WNK2: variants seen among roughly 807,000 people sequenced by gnomAD.
WNK2 encodes the protein WNK lysine deficient protein kinase 2.
In WNK2, 67 loss-of-function variants were observed where a neutral mutation model predicts 192.1. The observed-to-expected ratio is 0.35, with a 90% confidence interval of 0.29 to 0.43. The LOEUF is 0.43. WNK2 is among the 20% of genes least tolerant of loss of function. The pLI is 1.00. For missense variants in WNK2, 2,698 were observed against 3,089.7 expected (o/e 0.87, Z 3.01); for synonymous variants, 1,439 against 1,393.9 (o/e 1.03, Z -0.72).
chr9:93,246,897 A>G (rs796268499), intron 7 of WNK2, among the ~76,000 whole-genome samples: 12 of 152,352 alleles, frequency 7.9e-5, no homozygotes, highest in African/African-American at 2.9e-4. Flanking sequence ...AGCCCCTTCA[A>G]AAGGGATCTC....
chr9:93,274,515 C>CAAAAAA (rs67350876), intron 19 of WNK2, among the ~76,000 whole-genome samples: 13 of 118,376 alleles, frequency 1.1e-4, no homozygotes, highest in African/African-American at 2.7e-4. Flanking sequence ...CCGTCTCAAC[C>CAAAAAA]AAAAAAAAAA....
At chr9:93,311,142 G>C (rs1241996749) in intron 28 of WNK2, among the ~76,000 whole-genome samples, 1 of 152,124 alleles carries the variant, frequency 6.6e-6, no homozygotes, top group African/African-American at 2.4e-5. Context: ...GTACCTCATA[G>C]AGTGGAATCA....
chr9:93,217,173 G>T, intron 2 of WNK2, among the ~76,000 whole-genome samples: 1 of 152,166 alleles, frequency 6.6e-6, no homozygotes, highest in Middle Eastern at 3.4e-3. Context: ...TGGCCAGGAT[G>T]GTCTTGATTT....
At chr9:93,280,747 C>G (rs1847605137) in intron 19 of WNK2, among the ~76,000 whole-genome samples, 1 of 152,174 alleles carries the variant, frequency 6.6e-6, no homozygotes, top group Non-Finnish European at 1.5e-5. Flanking sequence ...AGCACTATTC[C>G]TTGTCTACTG....
intron 2 of WNK2, among the ~76,000 whole-genome samples, chr9:93,226,019 A>G (rs1837750689): frequency 6.6e-6 from 1 of 152,174 alleles, no homozygotes; most frequent in Non-Finnish European, 1.5e-5. Context: ...GTTAACTTTC[A>G]GCTCCTGCAT....
chr9:93,262,036 C>A lies in WNK2; in HGVS notation c.3289C>A (p.Pro1097Thr). The A allele has an allele frequency of 6.2e-7, 1 of 1,610,784 alleles. No individual in the cohort carries two copies. The highest frequency in any genetic ancestry group is 8.5e-7 in the Non-Finnish European group (1 of 1,178,540). ...CACACTTCTGCCACCAGCAAACCCA[C>A]CGCTGCCTGGCGGGCCCGGGATCGC... The part of the protein sequence containing the change: ...TATLLPPANP[P>T]LPGGPGIASP... Residue 1097 changes from proline (P) to threonine (T), a missense_variant, in exon 13 of 30, where the codon CCG (proline) becomes ACG (threonine). By Grantham distance (38) the Pro-to-Thr change is conservative. This residue lies in a region of WNK2 where 893 missense variants were observed against 909.0 expected (regional missense o/e 0.98). Transcript: ENST00000427277.
At chr9:93,205,344 C>A (rs190038961) in intron 2 of WNK2, among the ~76,000 whole-genome samples, 1 of 152,214 alleles carries the variant, frequency 6.6e-6, no homozygotes, top group Non-Finnish European at 1.5e-5. Context: ...GGGGAGTGGG[C>A]AGCCTATGTG....
chr9:93,197,278 C>A (rs572949748), intron 2 of WNK2, among the ~76,000 whole-genome samples: 2 of 152,208 alleles, frequency 1.3e-5, no homozygotes, highest in African/African-American at 4.8e-5. Flanking sequence ...CCTCCACCCC[C>A]TGCCGTGCTC....
chr9:93,195,006 A>G (rs77088459), intron 2 of WNK2, among the ~76,000 whole-genome samples: 3,902 of 151,368 alleles, frequency 0.026, 153 homozygotes, highest in African/African-American at 0.087. Flanking sequence ...AAAAGACGAG[A>G]AACCATGAAG....
At chr9:93,283,335 C>A (rs1213971445) in intron 19 of WNK2, among the ~76,000 whole-genome samples, 1 of 151,894 alleles carries the variant, frequency 6.6e-6, no homozygotes, top group Admixed American at 6.6e-5. Context: ...AACAAATATA[C>A]AATAGGGTAT....
chr9:93,185,449 G>A lies in WNK2; in HGVS notation c.520G>A (p.Glu174Lys). The change falls in exon 2 of 30, where the codon GAA (glutamate) becomes AAA (lysine). Residue 174 changes from glutamate to lysine, a missense_variant. Glu to Lys is a moderately conservative substitution (Grantham distance 56). Coordinates refer to ENST00000427277, the MANE Select transcript of WNK2 (RefSeq NM_006648.4). ...CGGGCGCACTCGCCGGGACGAGCCCGAAGAGGAGGAGGACGACGAGGACGA... is the reference window on the plus strand; with the variant it reads ...CGGGCGCACTCGCCGGGACGAGCCCAAAGAGGAGGAGGACGACGAGGACGA... ...EPGRTRRDEP[E>K]EEEDDEDDLK... is the part of the protein sequence containing the mutation. The A allele has an allele frequency of 1.2e-6, 2 of 1,612,426 alleles. No individual in the cohort carries two copies. The highest frequency in any genetic ancestry group is 1.7e-6 in the Non-Finnish European group (2 of 1,179,688).
chr9:93,311,292 C>T (rs77904395), intron 28 of WNK2, among the ~76,000 whole-genome samples: 1,530 of 152,278 alleles, frequency 0.01, 28 homozygotes, highest in East Asian at 0.052. Context: ...TATCTGGTAC[C>T]ACATCCATTC....
At chr9:93,208,017 C>A (rs1420939263) in intron 2 of WNK2, among the ~76,000 whole-genome samples, 1 of 152,148 alleles carries the variant, frequency 6.6e-6, no homozygotes, top group African/African-American at 2.4e-5. Context: ...GCCCTGAGGA[C>A]CTTCATCTCC....
chr9:93,281,890 C>G (rs892621188), intron 19 of WNK2, among the ~76,000 whole-genome samples: 1 of 152,022 alleles, frequency 6.6e-6, no homozygotes, highest in Non-Finnish European at 1.5e-5. Context: ...CCTCAAATAT[C>G]GGTAAAAGGA....
At chr9:93,185,727 A>C in intron 2 of WNK2, 117 bp downstream of exon 2, 1 of 1,208,152 alleles carries the variant, frequency 8.3e-7, no homozygotes, top group South Asian at 1.3e-5. Flanking sequence ...GCGGGGCTCC[A>C]TGTGTGTCAC....
At chr9:93,298,608 C>T (rs1851034066) in intron 24 of WNK2, among the ~76,000 whole-genome samples, 1 of 152,204 alleles carries the variant, frequency 6.6e-6, no homozygotes, top group South Asian at 2.1e-4. Context: ...GCACTGCAGC[C>T]TGCTTGCTGG....
chr9:93,285,473 T>G (rs1361678199), intron 19 of WNK2, among the ~76,000 whole-genome samples: 1 of 152,148 alleles, frequency 6.6e-6, no homozygotes, highest in Admixed American at 6.5e-5. Context: ...AAAATTCAAT[T>G]TATAGTAACA....
At chr9:93,281,836 AGGAATAGTGCTGTCCTC>A (rs1265752449) in intron 19 of WNK2, among the ~76,000 whole-genome samples, 1 of 152,234 alleles carries the variant, frequency 6.6e-6, no homozygotes. Context: ...CCAGTGGACA[AGGAATAGTGCTGTCCTC>A]GCAGTGCTGA....
chr9:93,269,192 AT>A (rs2133247596), intron 19 of WNK2, among the ~76,000 whole-genome samples: 1 of 129,496 alleles, frequency 7.7e-6, no homozygotes, highest in South Asian at 3.1e-4. Flanking sequence ...TCACACAGAC[AT>A]TTATCACTGT....
Sources: gnomAD v4.1 joint callset for allele counts (sites outside exome capture counted in the v4.1 genomes callset) on GRCh38, gnomAD v4.1.1 for gene constraint, gnomAD v4.1.1 regional missense constraint, MANE v1.5 for transcripts, NCBI Gene and HGNC (gene_info 2026-07-23, HGNC 2026-07-21) for gene names.